Variants in MARCHF11 observed in about 807,000 individuals in gnomAD.
MARCHF11 encodes the protein E3 ubiquitin-protein ligase MARCHF11.
MARCHF11 carries 29 observed loss-of-function variants against 37.3 expected under a neutral mutation model. The ratio of observed to expected loss-of-function variants is 0.78; its 90% CI spans 0.58 to 1.06. The LOEUF is 1.06. Among genes scored for constraint, MARCHF11 ranks in the 50% least tolerant of loss-of-function variants. The pLI, the probability that MARCHF11 is intolerant of heterozygous loss-of-function variation, is 0.00. For missense variants in MARCHF11, 482 were observed against 533.4 expected, an observed-to-expected ratio of 0.90 and a Z score of 0.95; for synonymous variants, 233 against 228.0, an observed-to-expected ratio of 1.02 and a Z score of -0.20.
chr5:16,139,186 T>A (rs1266379016), intron 2 of MARCHF11, among the ~76,000 whole-genome samples: 3 of 152,126 alleles, frequency 2.0e-5, no homozygotes, highest in African/African-American at 7.2e-5. Context: ...CCCCATGTTG[T>A]GGGAGGGACC....
chr5:16,164,691 G>A (rs1738141032), intron 2 of MARCHF11, among the ~76,000 whole-genome samples: 1 of 151,966 alleles, frequency 6.6e-6, no homozygotes, highest in African/African-American at 2.4e-5. Context: ...TAAATAACTT[G>A]AAGTTAAAGT....
At chr5:16,089,000 CTCTTGAAACCAGAACTGTAATAA>C (rs1212535514) in intron 3 of MARCHF11, among the ~76,000 whole-genome samples, 1 of 151,996 alleles carries the variant, frequency 6.6e-6, no homozygotes. Flanking sequence ...TATGTCTCTG[CTCTTGAAACCAGAACTGTAATAA>C]TCTTGATCAA....
chr5:16,094,542 T>C (rs1579682951), intron 2 of MARCHF11, among the ~76,000 whole-genome samples: 2 of 152,218 alleles, frequency 1.3e-5, no homozygotes, highest in African/African-American at 4.8e-5. Context: ...TGCGCATGTG[T>C]GTGTGTTGCA....
intron 2 of MARCHF11, among the ~76,000 whole-genome samples, chr5:16,145,461 G>A (rs1034308576): frequency 2.0e-5 from 3 of 152,100 alleles, no homozygotes; most frequent in Non-Finnish European, 2.9e-5. Context: ...CTAACCTGAC[G>A]GTGCCTTGAT....
At chr5:16,086,615 G>A (rs1010616488) in intron 3 of MARCHF11, among the ~76,000 whole-genome samples, 4 of 152,166 alleles carry the variant, frequency 2.6e-5, no homozygotes, top group South Asian at 2.1e-4. Flanking sequence ...AAATACCACT[G>A]ACGATAACAG....
chr5:16,161,614 A>G (rs1290451919), intron 2 of MARCHF11, among the ~76,000 whole-genome samples: 1 of 151,992 alleles, frequency 6.6e-6, no homozygotes, highest in Non-Finnish European at 1.5e-5. Flanking sequence ...AATGGCAAAG[A>G]TTCAAAAAAT....
Position 16,179,674 on chromosome 5 carries a change from G to A in MARCHF11, c.-99C>T, listed in dbSNP as rs1385271162. ...AGGGGGCGGGAGGGAGAGGGGAAAAGGAGGGAGGGGGCCCGGACGCCTGGG... is the reference window on the plus strand; with the variant it reads ...AGGGGGCGGGAGGGAGAGGGGAAAAAGAGGGAGGGGGCCCGGACGCCTGGG... On this transcript the variant is annotated 5_prime_UTR_variant, in exon 1 of 4. Transcript: ENST00000332432. 1.1e-6 allele frequency: 1 copy of A among 872,080 alleles called. No individual in the cohort carries two copies. The highest frequency in any genetic ancestry group is 1.4e-6 in the Non-Finnish European group (1 of 702,242). 54.0% of individuals were successfully genotyped at this position (872,080 alleles called of 1,614,324 possible).
At chr5:16,119,962 G>A (rs903628969) in intron 2 of MARCHF11, among the ~76,000 whole-genome samples, 3 of 152,104 alleles carry the variant, frequency 2.0e-5, no homozygotes, top group African/African-American at 2.4e-5. Flanking sequence ...TACATATGCC[G>A]CTAAGTGCTT....
intron 2 of MARCHF11, among the ~76,000 whole-genome samples, chr5:16,161,126 G>A (rs1270409376): frequency 1.3e-5 from 2 of 151,732 alleles, no homozygotes; most frequent in Non-Finnish European, 2.9e-5. Context: ...ATGTTGGTGT[G>A]CTGCACCCAT....
chr5:16,071,004 G>T (rs1736427159), intron 3 of MARCHF11, among the ~76,000 whole-genome samples: 1 of 152,058 alleles, frequency 6.6e-6, no homozygotes, highest in Non-Finnish European at 1.5e-5. Context: ...TGTGCTAGTG[G>T]TTATCAGGTG....
intron 2 of MARCHF11, among the ~76,000 whole-genome samples, chr5:16,171,075 G>A (rs550576922): frequency 2.5e-4 from 38 of 151,982 alleles, no homozygotes; most frequent in Non-Finnish European, 3.7e-4. Context: ...TATTTAATAC[G>A]GAAAAGTTAA....
At chr5:16,118,961 T>C (rs902308831) in intron 2 of MARCHF11, among the ~76,000 whole-genome samples, 2 of 152,158 alleles carry the variant, frequency 1.3e-5, no homozygotes, top group Non-Finnish European at 2.9e-5. Flanking sequence ...GTTTGTCTGT[T>C]AGGTTCTTGC....
chr5:16,076,455 T>C (rs1736520153), intron 3 of MARCHF11, among the ~76,000 whole-genome samples: 1 of 152,188 alleles, frequency 6.6e-6, no homozygotes, highest in African/African-American at 2.4e-5. Flanking sequence ...ATAAATATCA[T>C]AAAGATATCC....
At chr5:16,169,928 C>T (rs558300318) in intron 2 of MARCHF11, among the ~76,000 whole-genome samples, 48 of 152,222 alleles carry the variant, frequency 3.2e-4, no homozygotes, top group Non-Finnish European at 6.2e-4. Context: ...TATACCAATC[C>T]CTTTAGCAAA....
intron 2 of MARCHF11, among the ~76,000 whole-genome samples, chr5:16,155,996 T>C (rs1269314053): frequency 6.6e-6 from 1 of 151,944 alleles, no homozygotes; most frequent in Non-Finnish European, 1.5e-5. Flanking sequence ...GTTTCAGTCC[T>C]GGAAATAACA....
intron 2 of MARCHF11, among the ~76,000 whole-genome samples, chr5:16,118,997 AG>A (rs1737265716): frequency 1.3e-5 from 2 of 152,260 alleles, no homozygotes; most frequent in South Asian, 4.1e-4. Flanking sequence ...TCTTAGAGTG[AG>A]GGGCTGAGAG....
intron 2 of MARCHF11, among the ~76,000 whole-genome samples, chr5:16,157,560 CA>C (rs1298005481): frequency 6.6e-6 from 1 of 151,772 alleles, no homozygotes; most frequent in East Asian, 1.9e-4. Flanking sequence ...TGGTTTTTGA[CA>C]AAGGTTCAAG....
intron 3 of MARCHF11, among the ~76,000 whole-genome samples, chr5:16,074,845 T>C (rs1246144027): frequency 6.6e-6 from 1 of 152,158 alleles, no homozygotes; most frequent in African/African-American, 2.4e-5. Flanking sequence ...ATAATGAAGA[T>C]CCTAAATGAG....
chr5:16,135,990 C>T (rs1374892219), intron 2 of MARCHF11, among the ~76,000 whole-genome samples: 1 of 151,436 alleles, frequency 6.6e-6, no homozygotes, highest in Admixed American at 6.6e-5. Context: ...AGATCTTCAA[C>T]AGGAATAAAG....
Sources: allele counts gnomAD v4.1 joint callset (sites outside exome capture counted in the v4.1 genomes callset), GRCh38; gene constraint gnomAD v4.1.1; transcripts MANE v1.5; gene names NCBI Gene and HGNC (gene_info 2026-07-23, HGNC 2026-07-21).